The following TVP23A variants were observed in gnomAD, a reference collection of about 807,000 sequenced individuals.
TVP23A encodes trans-golgi network vesicle protein 23 homolog A, also known as Golgi apparatus membrane protein TVP23 homolog A.
TVP23A carries 21 observed loss-of-function variants against 31.7 expected under a neutral mutation model. The observed-to-expected ratio is 0.66, with a 90% CI of 0.47 to 0.95. TVP23A has a LOEUF of 0.95. Ranked by LOEUF, TVP23A falls within the 40% of genes least tolerant of loss-of-function variation. The probability of loss-of-function intolerance (pLI) is 0.00; values close to 1 mark genes in which losing one functional copy is unlikely to be tolerated. For missense variants in TVP23A, 279 were observed against 255.6 expected, an observed-to-expected ratio of 1.09 and a Z score of -0.62; for synonymous variants, 104 against 96.0, an observed-to-expected ratio of 1.08 and a Z score of -0.49.
intron 2 of TVP23A, among the ~76,000 whole-genome samples, chr16:10,783,039 G>A (rs571348694): frequency 2.4e-4 from 36 of 152,278 alleles, no homozygotes; most frequent in African/African-American, 7.9e-4. Context: ...CTGCCTGACT[G>A]GCACAATCCC....
intron 6 of TVP23A, among the ~76,000 whole-genome samples, chr16:10,770,573 A>C (rs1030851226): frequency 1.9e-4 from 28 of 151,010 alleles, no homozygotes; most frequent in Admixed American, 3.3e-4. Context: ...GTTAAAAAAA[A>C]AAAACAAAAC....
Position 10,818,397 on chromosome 16 carries a change from C to CCCT in TVP23A, c.9+85_9+87dup, listed in dbSNP as rs1319668291. The stretch of plus-strand genomic sequence containing the variant: ...AGCCCAGCCCCAGGCCCCGGCGCAT[C>CCCT]CCTCCTCCTCCTCCCGGCTTCTCCA... On this transcript the variant is annotated intron_variant, in intron 1 of 7. Transcript: ENST00000299866. The surrounding 1 kb of genome is among the most constrained non-coding windows in gnomAD (Gnocchi z 4.7). The CCCT allele has an allele frequency of 7.8e-6, 12 of 1,544,044 alleles. No individual in the cohort carries two copies. The highest frequency in any genetic ancestry group is 5.6e-5 in the Admixed American group (3 of 53,934).
intron 2 of TVP23A, among the ~76,000 whole-genome samples, chr16:10,790,311 G>T (rs1251655124): frequency 7.7e-6 from 1 of 130,556 alleles, no homozygotes; most frequent in Admixed American, 8.7e-5. Flanking sequence ...TTGAGACGGA[G>T]TCTCGCACTG....
At chr16:10,775,752 T>C (rs2031969748) in intron 2 of TVP23A, among the ~76,000 whole-genome samples, 1 of 144,058 alleles carries the variant, frequency 6.9e-6, no homozygotes, top group African/African-American at 2.6e-5. Context: ...TTCTTTTTTT[T>C]TTTTTTTTTT....
At chr16:10,771,360 G>A (rs1253524657) in intron 6 of TVP23A, among the ~76,000 whole-genome samples, 1 of 151,854 alleles carries the variant, frequency 6.6e-6, no homozygotes, top group Admixed American at 6.6e-5. Flanking sequence ...GGGCAACATG[G>A]CAAAACTTCG....
At chr16:10,791,508 G>T (rs1312633352) in intron 2 of TVP23A, among the ~76,000 whole-genome samples, 1 of 152,220 alleles carries the variant, frequency 6.6e-6, no homozygotes, top group Non-Finnish European at 1.5e-5. Context: ...AGCTTCCAGG[G>T]TGAATGCCAG....
Position 10,767,595 on chromosome 16 carries a change from T to G in TVP23A, c.*1507A>C, listed in dbSNP as rs1301840952. 12 of 455,554 alleles carry G rather than the reference T, an allele frequency of 2.6e-5. No individual in the cohort carries two copies. The highest frequency in any genetic ancestry group is 4.6e-5 in the Non-Finnish European group (12 of 259,882). 28.2% of individuals were successfully genotyped at this position (455,554 alleles called of 1,614,324 possible). A position where few individuals can be genotyped will look rare whatever the true frequency, so the allele number is the denominator to read the frequency against. ...CCTTTTATGCCATATCCTTTTGCAT[T>G]CTGTACTTTTTTTAACCATGTGCAT... On this transcript the variant is annotated 3_prime_UTR_variant, in exon 8 of 8. Transcript: ENST00000299866. This position sits in a 1 kb window ranked among gnomAD's most constrained non-coding sequence, Gnocchi z 4.6.
In TVP23A at chr16:10,771,692, A is replaced by G; in HGVS notation, c.560T>C (p.Leu187Pro). ...CACCGTCTGGAACACTGTCTGGGAC[A>G]GGAAACTGGCTGTGACCTTGCCAAT... ...SDIGKVTASF[L>P]SQTVFQTACP... Residue 187 changes from leucine (L) to proline (P), a missense_variant, in exon 6 of 8, where the codon CTG becomes CCG. Leu to Pro is a moderately conservative substitution (Grantham distance 98). Transcript: ENST00000299866. 1 of 1,613,868 alleles carries G rather than the reference A, an allele frequency of 6.2e-7. No homozygotes were observed. The highest frequency in any genetic ancestry group is 8.5e-7 in the Non-Finnish European group (1 of 1,179,854).
Position 10,818,234 on chromosome 16 carries a change from A to AC in TVP23A, c.10-53dup. 7.3e-7 allele frequency: 1 copy of AC among 1,376,198 alleles called. No individual in the cohort carries two copies. Among genetic ancestry groups the AC allele is most frequent in the East Asian group, 2.7e-5 (1 of 37,640 alleles). The allele number at this position is 1,376,198 out of a possible 1,614,324, so 85.2% of individuals were successfully genotyped here. Reference sequence around the variant, plus strand: ...AGGCCCAAGCACGGCGCACACCCCAACCCCACCCGCCCTGTCCTCCTGGGC... The same window carrying AC: ...AGGCCCAAGCACGGCGCACACCCCAACCCCCACCCGCCCTGTCCTCCTGGGC... On this transcript the variant is annotated intron_variant, in intron 1 of 7. Coordinates refer to ENST00000299866, the MANE Select transcript of TVP23A (RefSeq NM_001079512.4). The surrounding 1 kb of genome is among the most constrained non-coding windows in gnomAD (Gnocchi z 4.7).
intron 7 of TVP23A, 52 bp downstream of exon 7, chr16:10,770,219 AT>A: frequency 6.5e-7 from 1 of 1,544,696 alleles, no homozygotes; most frequent in Non-Finnish European, 8.7e-7. Context: ...CAAGAGCTGC[AT>A]TTTTCAGAAT....
intron 2 of TVP23A, among the ~76,000 whole-genome samples, chr16:10,798,843 T>A (rs1596551118): frequency 6.6e-6 from 1 of 152,098 alleles, no homozygotes; most frequent in South Asian, 2.1e-4. Flanking sequence ...TTTGTATTTT[T>A]AGAAGAGATG....
In TVP23A at chr16:10,767,955, AT is replaced by A; in HGVS notation, c.*1146del. On this transcript the variant is annotated 3_prime_UTR_variant, in exon 8 of 8. Transcript: ENST00000299866. The surrounding 1 kb of genome is among the most constrained non-coding windows in gnomAD (Gnocchi z 4.6). ...CGTTTGTTTCTTTTTTAAGGTAAGA[AT>A]TGTGACAAAGGCCAGTCTTTTTTCA... 6.2e-7 allele frequency: 1 copy of A among 1,614,104 alleles called. No individual in the cohort carries two copies. The highest frequency in any genetic ancestry group is 8.5e-7 in the Non-Finnish European group (1 of 1,179,992).
rs1226463761 is a variant in TVP23A at position 10,807,671 on chromosome 16, G to A, written c.89+10432C>T. The stretch of plus-strand genomic sequence containing the variant: ...CAAATATCCATAGTGCCAAGGCTGA[G>A]AAGCTGCTCTAAAGAGTGGGGTCAA... On this transcript the variant is annotated intron_variant, in intron 2 of 7. Coordinates refer to ENST00000299866, the MANE Select transcript of TVP23A (RefSeq NM_001079512.4). Among the ~76,000 whole-genome samples the A allele has an allele frequency of 2.6e-5, 4 of 152,190 alleles. No individual in the cohort carries two copies. In the East Asian group the frequency reaches 7.7e-4, roughly 29 times the overall value.
chr16:10,757,794 C>T, downstream of TVP23A: 1 of 1,550,416 alleles, frequency 6.4e-7, no homozygotes, highest in Non-Finnish European at 8.8e-7. This position sits in a 1 kb window ranked among gnomAD's most constrained non-coding sequence, Gnocchi z 4.1. Context: ...AAGACCCCAT[C>T]CTTTAAAAAA....
chr16:10,762,114 G>A (rs185777093), downstream of TVP23A: 443 of 366,388 alleles, frequency 1.2e-3, 2 homozygotes, highest in Admixed American at 1.8e-3. Flanking sequence ...GTAGAGGTTG[G>A]TGAGGGTGGT....
At chr16:10,784,307 C>T (rs938049031) in intron 2 of TVP23A, among the ~76,000 whole-genome samples, 1 of 150,632 alleles carries the variant, frequency 6.6e-6, no homozygotes, top group East Asian at 1.9e-4. Context: ...CCCACCTAGG[C>T]GACAGAGCAA....
intron 2 of TVP23A, among the ~76,000 whole-genome samples, chr16:10,780,598 A>G (rs2032363346): frequency 6.6e-6 from 1 of 152,094 alleles, no homozygotes; most frequent in Non-Finnish European, 1.5e-5. Flanking sequence ...CAGCATTCCA[A>G]TCCTGGCTCT....
intron 2 of TVP23A, among the ~76,000 whole-genome samples, chr16:10,806,809 G>A (rs180828519): frequency 2.0e-4 from 30 of 152,258 alleles, no homozygotes; most frequent in African/African-American, 7.0e-4. Flanking sequence ...GCCCTTCAGT[G>A]ATTTTGTTGT....
chr16:10,786,934 CAAAAAAA>C (rs34739793), intron 2 of TVP23A, among the ~76,000 whole-genome samples: 2 of 135,494 alleles, frequency 1.5e-5, no homozygotes, highest in African/African-American at 5.4e-5. Context: ...AGCTGTGGTC[CAAAAAAA>C]AAAAAAATTT....
Sources: gnomAD v4.1 joint callset for allele counts (sites outside exome capture counted in the v4.1 genomes callset) on GRCh38, gnomAD v4.1.1 for gene constraint, Gnocchi (gnomAD v3.1) non-coding constraint, MANE v1.5 for transcripts, NCBI Gene and HGNC (gene_info 2026-07-23, HGNC 2026-07-21) for gene names.